Variants in DGKB observed in about 807,000 individuals in gnomAD.
DGKB encodes the protein diacylglycerol kinase beta.
DGKB carries 67 observed loss-of-function variants against 114.3 expected under a neutral mutation model. The observed-to-expected ratio is 0.59, with a 90% CI of 0.48 to 0.72. The LOEUF is 0.72. Ranked by LOEUF, DGKB falls within the 30% of genes least tolerant of loss-of-function variation. The pLI, the probability that DGKB is intolerant of heterozygous loss-of-function variation, is 0.00. For synonymous variants in DGKB, 398 were observed against 323.1 expected, an observed-to-expected ratio of 1.23 and a Z score of -2.49; for missense variants, 907 against 975.2, an observed-to-expected ratio of 0.93 and a Z score of 0.93.
At chr7:14,239,778 G>A (rs558519850) in intron 23 of DGKB, among the ~76,000 whole-genome samples, 1 of 151,888 alleles carries the variant, frequency 6.6e-6, no homozygotes, top group African/African-American at 2.4e-5. Context: ...TAAGGTTTGG[G>A]GATTTTAGAT....
chr7:14,643,580 G>C (rs1812270924), intron 13 of DGKB, among the ~76,000 whole-genome samples: 1 of 152,092 alleles, frequency 6.6e-6, no homozygotes, highest in Non-Finnish European at 1.5e-5. Flanking sequence ...TGTGTTCCCA[G>C]CATCTGAGCC....
At chr7:14,397,506 T>C (rs1822409053) in intron 21 of DGKB, among the ~76,000 whole-genome samples, 1 of 152,144 alleles carries the variant, frequency 6.6e-6, no homozygotes, top group South Asian at 2.1e-4. Flanking sequence ...ATCACCTCTC[T>C]GAGAGTCTAG....
At chr7:14,862,272 T>C (rs147222637) in intron 1 of DGKB, among the ~76,000 whole-genome samples, 44 of 152,142 alleles carry the variant, frequency 2.9e-4, no homozygotes, top group East Asian at 1.7e-3. Context: ...TCACCAGACA[T>C]AGTTACCACT....
intron 2 of DGKB, among the ~76,000 whole-genome samples, chr7:14,820,800 T>G (rs1247215598): frequency 6.6e-6 from 1 of 152,154 alleles, no homozygotes; most frequent in African/African-American, 2.4e-5. Flanking sequence ...ATTAACATAG[T>G]GTGTTTTCTC....
intron 23 of DGKB, among the ~76,000 whole-genome samples, chr7:14,265,627 A>G (rs1183217791): frequency 6.6e-6 from 1 of 151,910 alleles, no homozygotes; most frequent in Non-Finnish European, 1.5e-5. Context: ...TCTAATAATT[A>G]CATTTTTTTA....
intron 23 of DGKB, among the ~76,000 whole-genome samples, chr7:14,212,720 C>T (rs1178582483): frequency 1.3e-5 from 2 of 152,058 alleles, no homozygotes; most frequent in African/African-American, 4.8e-5. Flanking sequence ...GAATCTAATA[C>T]TTCTGAATCT....
intron 22 of DGKB, among the ~76,000 whole-genome samples, chr7:14,344,700 C>G (rs925226438): frequency 1.6e-4 from 23 of 142,112 alleles, no homozygotes; most frequent in South Asian, 4.3e-4. Flanking sequence ...ATTTTGAGTC[C>G]TACAGTGTCT....
chr7:14,882,775 C>CT (rs1854434410), intron 1 of DGKB, among the ~76,000 whole-genome samples: 1 of 151,922 alleles, frequency 6.6e-6, no homozygotes, highest in African/African-American at 2.4e-5. Context: ...TGATTTCATT[C>CT]TTTTTTGTGG....
Position 14,550,362 on chromosome 7 carries a change from A to G in DGKB, c.1770+23850T>C, listed in dbSNP as rs147400872. On this transcript the variant is annotated intron_variant, in intron 20 of 25. Transcript: ENST00000402815. ...ACATTTGCAATGAAATTTTATGAGTAAAATAAATTGCTCTGAGGTAAAATT... is the reference window on the plus strand; with the variant it reads ...ACATTTGCAATGAAATTTTATGAGTGAAATAAATTGCTCTGAGGTAAAATT... 7.8e-3 allele frequency among the ~76,000 whole-genome samples: 1,191 copies of G among 152,288 alleles called. 10 individuals carry two copies. The highest frequency in any genetic ancestry group is 0.024 in the African/African-American group (1,003 of 41,570).
intron 20 of DGKB, among the ~76,000 whole-genome samples, chr7:14,519,342 A>G (rs10274270): frequency 1.3e-5 from 2 of 151,850 alleles, no homozygotes; most frequent in African/African-American, 4.8e-5. Flanking sequence ...TAAATGGAAC[A>G]TACATGCAAT....
At chr7:14,840,699 AACACACACAC>A (rs57577998) in intron 2 of DGKB, among the ~76,000 whole-genome samples, 4,019 of 130,240 alleles carry the variant, frequency 0.031, 129 homozygotes, top group African/African-American at 0.073. Context: ...ACTCTCTTTT[AACACACACAC>A]ACACACACAC....
intron 12 of DGKB, among the ~76,000 whole-genome samples, chr7:14,680,299 C>A (rs1820610503): frequency 6.6e-6 from 1 of 151,868 alleles, no homozygotes; most frequent in Admixed American, 6.6e-5. Context: ...TAATGACAAA[C>A]AAAATCACAT....
intron 20 of DGKB, among the ~76,000 whole-genome samples, chr7:14,537,602 G>C (rs1373882114): frequency 2.0e-5 from 3 of 152,084 alleles, no homozygotes; most frequent in Admixed American, 6.6e-5. Flanking sequence ...AATGAAATCA[G>C]ACACTTATCC....
At chr7:14,629,337 AT>A (rs1165584724) in intron 14 of DGKB, among the ~76,000 whole-genome samples, 1 of 152,052 alleles carries the variant, frequency 6.6e-6, no homozygotes, top group Non-Finnish European at 1.5e-5. Context: ...ATGTCCAAGT[AT>A]TTTTGAGTAT....
intron 1 of DGKB, among the ~76,000 whole-genome samples, chr7:14,912,958 C>T (rs932782118): frequency 1.1e-4 from 17 of 152,124 alleles, no homozygotes; most frequent in Non-Finnish European, 5.9e-5. Context: ...TTATTCTCCA[C>T]CATTTCTTTC....
At chr7:14,203,314 G>T (rs922029607) in intron 23 of DGKB, among the ~76,000 whole-genome samples, 1 of 151,766 alleles carries the variant, frequency 6.6e-6, no homozygotes, top group African/African-American at 2.4e-5. Context: ...ATTGGGTTGA[G>T]GAACAAACAA....
At chr7:14,886,927 T>C (rs1282054098) in intron 1 of DGKB, among the ~76,000 whole-genome samples, 1 of 151,984 alleles carries the variant, frequency 6.6e-6, no homozygotes, top group Non-Finnish European at 1.5e-5. Context: ...TTCTAGCTCT[T>C]AAGTCAGCCT....
intron 21 of DGKB, among the ~76,000 whole-genome samples, chr7:14,447,241 T>C (rs1224271649): frequency 6.6e-6 from 1 of 151,960 alleles, no homozygotes; most frequent in African/African-American, 2.4e-5. Context: ...CTCAGCCCCT[T>C]ACTGGCAGCC....
At chr7:14,459,250 G>C (rs759480702) in intron 21 of DGKB, among the ~76,000 whole-genome samples, 2 of 152,098 alleles carry the variant, frequency 1.3e-5, no homozygotes, top group South Asian at 2.1e-4. Context: ...CAGAGCACCC[G>C]GGGGAAGGGG....
Sources: gnomAD v4.1 joint callset for allele counts (sites outside exome capture counted in the v4.1 genomes callset) on GRCh38, gnomAD v4.1.1 for gene constraint, MANE v1.5 for transcripts, NCBI Gene and HGNC (gene_info 2026-07-23, HGNC 2026-07-21) for gene names.